The following MBP variants were observed in gnomAD, a reference collection of about 807,000 sequenced individuals.
The protein encoded by MBP is Golli-MBP.
MBP carries 16 observed loss-of-function variants against 35.8 expected under a neutral mutation model. That is an observed-to-expected ratio of 0.45 (90% CI 0.30 to 0.68). The LOEUF (loss-of-function observed/expected upper bound fraction) is 0.68. MBP is among the 30% of genes least tolerant of loss of function. MBP has a pLI of 0.08. For synonymous variants in MBP, 143 were observed against 159.6 expected (o/e 0.90, Z 0.78); for missense variants, 380 against 404.7 (o/e 0.94, Z 0.52).
chr18:76,990,264 G>C (rs1177373440), intron 4 of MBP, among the ~76,000 whole-genome samples: 3 of 152,024 alleles, frequency 2.0e-5, no homozygotes, highest in African/African-American at 7.3e-5. Context: ...TCCACGAACA[G>C]TAAGAACAAG....
At position 76,984,903 on chromosome 18, in the gene MBP, G is replaced by A. The variant is rs899684095; in HGVS notation, c.751-9C>T. On this transcript the variant is annotated splice_polypyrimidine_tract_variant and intron_variant, in intron 7 of 8. Coordinates refer to ENST00000355994, the MANE Select transcript of MBP (RefSeq NM_001025101.2). Reference sequence around the variant, plus strand: ...CTCTGGCCTTCGGCCCCCTGCAAGAGAAGACCACGGAGCTCAACCTCCACC... The same window carrying A: ...CTCTGGCCTTCGGCCCCCTGCAAGAAAAGACCACGGAGCTCAACCTCCACC... 3.1e-6 allele frequency: 5 copies of A among 1,612,448 alleles called. No individual in the cohort carries two copies. In the African/African-American group the frequency reaches 6.7e-5, roughly 22 times the overall value.
Position 76,993,537 on chromosome 18 carries a change from G to T in MBP, c.577-3477C>A, listed in dbSNP as rs560865021. Among the ~76,000 whole-genome samples the T allele has an allele frequency of 1.2e-4, 17 of 139,320 alleles. No homozygotes were observed. The East Asian group carries it at 3.5e-3, about 29-fold the overall frequency. The allele number at this position is 139,320 out of a possible 152,430, so 91.4% of individuals were successfully genotyped here. On this transcript the variant is annotated intron_variant, in intron 4 of 8. Transcript: ENST00000355994. ...TGCACTTCAGCCTGGGCGACAGAGC[G>T]AGACTTTGTCTCCAAAAAAAAAAAA...
intron 2 of MBP, among the ~76,000 whole-genome samples, chr18:77,094,575 A>G (rs902753019): frequency 2.6e-5 from 4 of 152,250 alleles, no homozygotes; most frequent in Non-Finnish European, 5.9e-5. Flanking sequence ...TATGGTTTAC[A>G]GCACGCCAGC....
intron 2 of MBP, chr18:77,097,566 C>T (rs1975811825): frequency 6.6e-6 from 1 of 152,208 alleles, no homozygotes; most frequent in Non-Finnish European, 1.5e-5. Flanking sequence ...ATCTGCAGAG[C>T]CAGACATCTT....
intron 1 of MBP, among the ~76,000 whole-genome samples, chr18:77,106,650 T>G (rs1433558304): frequency 6.6e-6 from 1 of 152,110 alleles, no homozygotes; most frequent in East Asian, 1.9e-4. Flanking sequence ...TGCCCACAGA[T>G]GAGGCTCTGC....
intron 3 of MBP, among the ~76,000 whole-genome samples, chr18:77,050,524 A>C (rs2144691351): frequency 6.6e-6 from 1 of 152,274 alleles, no homozygotes; most frequent in East Asian, 1.9e-4. Context: ...CCTCGCAGGT[A>C]CTACTGACTG....
At position 77,131,956 on chromosome 18, in the gene MBP, C is replaced by A. The variant is rs914254924; in HGVS notation, c.-26+624G>T. Among the ~76,000 whole-genome samples the A allele has an allele frequency of 6.6e-6, 1 of 152,128 alleles. No individual in the cohort carries two copies. The highest frequency in any genetic ancestry group is 1.9e-4 in the East Asian group (1 of 5,170). ...GAAGCCCGGACCCGGGCTCTCCTGGCCGCCCCTGGAGCTCAGAGGGAGACT... is the reference window on the plus strand; with the variant it reads ...GAAGCCCGGACCCGGGCTCTCCTGGACGCCCCTGGAGCTCAGAGGGAGACT... On this transcript the variant is annotated intron_variant, in intron 1 of 8. Coordinates refer to ENST00000355994, the MANE Select transcript of MBP (RefSeq NM_001025101.2). This position sits in a 1 kb window ranked among gnomAD's most constrained non-coding sequence, Gnocchi z 5.5.
chr18:77,076,693 T>C (rs1466263457), intron 2 of MBP, among the ~76,000 whole-genome samples: 2 of 152,156 alleles, frequency 1.3e-5, no homozygotes, highest in Non-Finnish European at 2.9e-5. Context: ...AATATATTGG[T>C]GACCACTCAA....
intron 3 of MBP, among the ~76,000 whole-genome samples, chr18:77,025,978 G>C (rs1972205358): frequency 6.6e-6 from 1 of 152,214 alleles, no homozygotes; most frequent in African/African-American, 2.4e-5. Flanking sequence ...GCGGCACCGT[G>C]AGTGCATCGC....
intron 1 of MBP, among the ~76,000 whole-genome samples, chr18:77,120,416 C>T (rs767316548): frequency 4.4e-4 from 67 of 152,320 alleles, no homozygotes; most frequent in Non-Finnish European, 8.4e-4. Flanking sequence ...TGCACTGACC[C>T]GGGACAAAGA....
rs73479223 is a variant in MBP at position 77,020,963 on chromosome 18, G to C, written c.140-3695C>G. On this transcript the variant is annotated intron_variant, in intron 3 of 8. Coordinates refer to ENST00000355994, the MANE Select transcript of MBP (RefSeq NM_001025101.2). This position sits in a 1 kb window ranked among gnomAD's most constrained non-coding sequence, Gnocchi z 4.1. ...GGAAAAGATGTTTCTCATGTGGTTT[G>C]GTTCACACTAAAAATACTTTGAGGG... Among the ~76,000 whole-genome samples the C allele has an allele frequency of 0.015, 2,295 of 152,318 alleles. 57 individuals carry two copies. Among genetic ancestry groups the C allele is most frequent in the African/African-American group, 0.052 (2,143 of 41,558 alleles).
intron 4 of MBP, chr18:77,014,003 T>C: frequency 3.0e-6 from 3 of 985,404 alleles, no homozygotes; most frequent in African/African-American, 1.7e-5. Context: ...ACGACAATCT[T>C]GGCCCTAAGT....
chr18:77,050,334 T>A (rs2144690036), intron 3 of MBP, among the ~76,000 whole-genome samples: 1 of 152,360 alleles, frequency 6.6e-6, no homozygotes, highest in African/African-American at 2.4e-5. Context: ...CTAAGTATTT[T>A]AAAATAATTT....
chr18:77,120,301 G>A (rs1394504764), intron 1 of MBP, among the ~76,000 whole-genome samples: 4 of 152,248 alleles, frequency 2.6e-5, no homozygotes, highest in South Asian at 2.1e-4. Flanking sequence ...AGCTGTGACC[G>A]GCACGGCCAG....
At chr18:77,026,040 G>A (rs777883893) in intron 3 of MBP, among the ~76,000 whole-genome samples, 4 of 152,240 alleles carry the variant, frequency 2.6e-5, no homozygotes, top group Admixed American at 2.0e-4. Flanking sequence ...GCTCAACTGC[G>A]GAGCCTGGGA....
intron 3 of MBP, among the ~76,000 whole-genome samples, chr18:77,019,901 C>G (rs1054028983): frequency 3.3e-5 from 5 of 152,088 alleles, no homozygotes; most frequent in African/African-American, 7.2e-5. Context: ...GGAGGATGGC[C>G]GGGCTGAGAA....
rs553944620 is a variant in MBP at position 76,988,005 on chromosome 18, T to C, written c.750+490A>G. The C allele has an allele frequency of 1.5e-6, 2 of 1,315,982 alleles. No homozygotes were observed. The highest frequency in any genetic ancestry group is 1.9e-6 in the Non-Finnish European group (2 of 1,026,778). 81.5% of individuals were successfully genotyped at this position (1,315,982 alleles called of 1,614,324 possible). ...TACAAAACAAAAATCTTTGGATTAATGAGGTTATTATAAATCGAGCAACTC... is the reference window on the plus strand; with the variant it reads ...TACAAAACAAAAATCTTTGGATTAACGAGGTTATTATAAATCGAGCAACTC... On this transcript the variant is annotated intron_variant, in intron 7 of 8. Coordinates refer to ENST00000355994, the MANE Select transcript of MBP (RefSeq NM_001025101.2). This position sits in a 1 kb window ranked among gnomAD's most constrained non-coding sequence, Gnocchi z 5.2.
intron 2 of MBP, among the ~76,000 whole-genome samples, chr18:77,093,999 C>G (rs1383418472): frequency 2.1e-5 from 3 of 145,254 alleles, no homozygotes; most frequent in African/African-American, 5.0e-5. Flanking sequence ...TTTTTTGACA[C>G]GGAGTCTCGC....
chr18:77,069,536 C>T (rs59218442), intron 2 of MBP, among the ~76,000 whole-genome samples: 24,052 of 152,220 alleles, frequency 0.16, 2,082 homozygotes, highest in South Asian at 0.26. Context: ...CAGTAGTGTC[C>T]TCCCATTGGC....
Sources: allele counts gnomAD v4.1 joint callset (sites outside exome capture counted in the v4.1 genomes callset), GRCh38; gene constraint gnomAD v4.1.1; non-coding constraint Gnocchi (gnomAD v3.1); transcripts MANE v1.5; gene names NCBI Gene and HGNC (gene_info 2026-07-23, HGNC 2026-07-21).